Variants in LRRTM4 observed in about 807,000 individuals in gnomAD.
LRRTM4 encodes the protein leucine rich repeat transmembrane neuronal 4.
A neutral mutation model predicts 47.6 loss-of-function variants in LRRTM4; 25 were observed. The observed-to-expected ratio is 0.53, with a 90% CI of 0.38 to 0.73. The LOEUF (loss-of-function observed/expected upper bound fraction) is 0.73, where lower values mean the gene tolerates loss of function less well. LRRTM4 is among the 30% of genes least tolerant of loss of function. The pLI is 0.00. For missense variants in LRRTM4, 638 were observed against 713.4 expected, an observed-to-expected ratio of 0.89 and a Z score of 1.20; for synonymous variants, 311 against 269.5, an observed-to-expected ratio of 1.15 and a Z score of -1.51.
At chr2:77,139,634 C>G (rs1281371328) in intron 3 of LRRTM4, among the ~76,000 whole-genome samples, 1 of 152,016 alleles carries the variant, frequency 6.6e-6, no homozygotes, top group Non-Finnish European at 1.5e-5. Flanking sequence ...CCAGGGCAAT[C>G]AGGCAGGAGA....
At position 77,114,641 on chromosome 2, in the gene LRRTM4, C is replaced by T. The variant is rs187967791; in HGVS notation, c.1552-365725G>A. 3.8e-3 allele frequency among the ~76,000 whole-genome samples: 573 copies of T among 152,192 alleles called. 2 individuals are homozygous for T. Among genetic ancestry groups the T allele is most frequent in the Middle Eastern group, 0.027 (8 of 294 alleles). On this transcript the variant is annotated intron_variant, in intron 3 of 3. Coordinates refer to ENST00000409884, the MANE Select transcript of LRRTM4 (RefSeq NM_001134745.3). ...TCAACGTAGGTTCTTTCTATTTTCC[C>T]TAAGTGTCGGCCAGTCTGAGAAATA...
intron 3 of LRRTM4, among the ~76,000 whole-genome samples, chr2:77,373,316 A>C (rs930122706): frequency 6.8e-4 from 103 of 151,616 alleles, no homozygotes; most frequent in African/African-American, 2.3e-3. Context: ...TACATCTTAG[A>C]AAACTTAAAT....
chr2:76,829,900 T>C (rs1671299573), intron 3 of LRRTM4, among the ~76,000 whole-genome samples: 1 of 152,188 alleles, frequency 6.6e-6, no homozygotes, highest in Middle Eastern at 3.4e-3. Context: ...AATAGAATTA[T>C]GGAGAGTGAA....
chr2:76,981,003 G>A (rs888691344), intron 3 of LRRTM4, among the ~76,000 whole-genome samples: 10 of 151,982 alleles, frequency 6.6e-5, no homozygotes, highest in Non-Finnish European at 1.5e-4. Flanking sequence ...TTTCCTTGGG[G>A]CAAAGTTGTA....
chr2:76,842,631 ATACTG>A (rs1258901547), intron 3 of LRRTM4, among the ~76,000 whole-genome samples: 5 of 152,216 alleles, frequency 3.3e-5, no homozygotes, highest in African/African-American at 1.2e-4. Context: ...AATTTGTTGA[ATACTG>A]CACTGAAAGT....
chr2:77,360,942 G>A, intron 3 of LRRTM4, among the ~76,000 whole-genome samples: 1 of 151,618 alleles, frequency 6.6e-6, no homozygotes. Context: ...TAACTTTCTT[G>A]TTTACATACC....
chr2:77,057,897 A>G (rs1679661215), intron 3 of LRRTM4, among the ~76,000 whole-genome samples: 1 of 152,178 alleles, frequency 6.6e-6, no homozygotes, highest in African/African-American at 2.4e-5. Context: ...TAGAGGTGAG[A>G]AAACTTATCC....
intron 3 of LRRTM4, among the ~76,000 whole-genome samples, chr2:77,131,206 GC>G (rs1671794823): frequency 6.6e-6 from 1 of 152,102 alleles, no homozygotes; most frequent in South Asian, 2.1e-4. Context: ...CTGAATGTGT[GC>G]TAAACAAAGC....
chr2:76,961,110 G>A (rs569087341), intron 3 of LRRTM4, among the ~76,000 whole-genome samples: 34 of 151,218 alleles, frequency 2.2e-4, no homozygotes, highest in African/African-American at 8.0e-4. Context: ...TTATTACAAC[G>A]ACAGGTTAAA....
At chr2:77,401,164 C>T (rs961315282) in intron 3 of LRRTM4, among the ~76,000 whole-genome samples, 2 of 151,896 alleles carry the variant, frequency 1.3e-5, no homozygotes, top group African/African-American at 4.8e-5. Context: ...ATCAGCATCA[C>T]CTGGAAGCTT....
chr2:77,474,613 C>A (rs1325147590), intron 3 of LRRTM4, among the ~76,000 whole-genome samples: 2 of 151,988 alleles, frequency 1.3e-5, no homozygotes, highest in Non-Finnish European at 2.9e-5. Context: ...ACTCTGGTAC[C>A]AAATTGTTAA....
intron 3 of LRRTM4, among the ~76,000 whole-genome samples, chr2:76,842,607 T>C (rs1202997048): frequency 1.3e-5 from 2 of 152,220 alleles, no homozygotes; most frequent in Non-Finnish European, 2.9e-5. Flanking sequence ...GATAAAGTGT[T>C]GACTCACTCA....
intron 3 of LRRTM4, among the ~76,000 whole-genome samples, chr2:76,754,911 A>G (rs1462984139): frequency 6.6e-6 from 1 of 152,150 alleles, no homozygotes; most frequent in Non-Finnish European, 1.5e-5. Context: ...GCTCATCACA[A>G]GCACATGTGC....
chr2:76,964,879 G>GTTTC, intron 3 of LRRTM4, among the ~76,000 whole-genome samples: 1 of 149,698 alleles, frequency 6.7e-6, no homozygotes, highest in Non-Finnish European at 1.5e-5. Flanking sequence ...TTTTCCCATG[G>GTTTC]ACATTAAAAT....
At chr2:76,812,157 A>G (rs1256457005) in intron 3 of LRRTM4, among the ~76,000 whole-genome samples, 1 of 152,214 alleles carries the variant, frequency 6.6e-6, no homozygotes, top group Non-Finnish European at 1.5e-5. Flanking sequence ...CAGCTAGTGG[A>G]AGCCTTTGAG....
chr2:76,747,832 CTTGGCAGT>C lies in LRRTM4; in HGVS notation c.*855_*862del, dbSNP rs1672699169. ...TATCTTGTGTTTAGAAATTTGTCAG[CTTGGCAGT>C]TTCATTCATTGAGCCCATGGTCATA... is the stretch of plus-strand genomic sequence containing the variant. On this transcript the variant is annotated 3_prime_UTR_variant, in exon 4 of 4. Coordinates refer to ENST00000409884, the MANE Select transcript of LRRTM4 (RefSeq NM_001134745.3). 6.6e-6 allele frequency: 1 copy of C among 152,160 alleles called. No individual in the cohort carries two copies. The highest frequency in any genetic ancestry group is 2.1e-4 in the South Asian group (1 of 4,834). The allele number at this position is 152,160 out of a possible 1,614,324, so 9.4% of individuals were successfully genotyped here. A position where few individuals can be genotyped will look rare whatever the true frequency, so the allele number is the denominator to read the frequency against.
At chr2:77,072,196 T>C (rs1398911064) in intron 3 of LRRTM4, among the ~76,000 whole-genome samples, 1 of 152,140 alleles carries the variant, frequency 6.6e-6, no homozygotes, top group Non-Finnish European at 1.5e-5. Context: ...TTGAGAATAA[T>C]GACTCCAGTT....
chr2:77,431,539 A>G (rs902645421), intron 3 of LRRTM4, among the ~76,000 whole-genome samples: 2 of 148,802 alleles, frequency 1.3e-5, no homozygotes, highest in South Asian at 4.1e-4. Flanking sequence ...CTCCATCCCA[A>G]TAGCTCCAAA....
At chr2:77,472,935 A>G (rs1358938151) in intron 3 of LRRTM4, among the ~76,000 whole-genome samples, 1 of 152,182 alleles carries the variant, frequency 6.6e-6, no homozygotes, top group East Asian at 1.9e-4. Flanking sequence ...TGCTCACAGC[A>G]ATCTCATATC....
Sources: allele counts gnomAD v4.1 joint callset (sites outside exome capture counted in the v4.1 genomes callset), GRCh38; gene constraint gnomAD v4.1.1; transcripts MANE v1.5; gene names NCBI Gene and HGNC (gene_info 2026-07-23, HGNC 2026-07-21).